The following C1QTNF7 variants were observed in gnomAD, a reference collection of about 807,000 sequenced individuals.
The protein encoded by C1QTNF7 is C1q and TNF related 7, also known as complement C1q tumor necrosis factor-related protein 7.
C1QTNF7 carries 15 observed loss-of-function variants against 19.6 expected under a neutral mutation model. The observed-to-expected ratio is 0.76, with a 90% confidence interval of 0.51 to 1.18. The LOEUF is 1.18. C1QTNF7 is among the 50% of genes most tolerant of loss of function. The pLI is 0.00. For synonymous variants in C1QTNF7, 142 were observed against 137.5 expected (o/e 1.03, Z -0.23); for missense variants, 324 against 359.7 (o/e 0.90, Z 0.80).
intron 1 of C1QTNF7, among the ~76,000 whole-genome samples, chr4:15,416,505 C>T (rs1719613249): frequency 6.6e-6 from 1 of 152,182 alleles, no homozygotes; most frequent in Non-Finnish European, 1.5e-5. Flanking sequence ...CTGACACGTG[C>T]ACAGTGCCTG....
At chr4:15,365,364 C>T (rs1199249898) in intron 1 of C1QTNF7, among the ~76,000 whole-genome samples, 1 of 152,040 alleles carries the variant, frequency 6.6e-6, no homozygotes, top group Non-Finnish European at 1.5e-5. Context: ...TATTTCTCAC[C>T]ACTAATTGTT....
intron 1 of C1QTNF7, among the ~76,000 whole-genome samples, chr4:15,420,356 T>C (rs941238352): frequency 6.6e-6 from 1 of 152,264 alleles, no homozygotes; most frequent in African/African-American, 2.4e-5. Context: ...AGAGTGTTTC[T>C]GATCACGTAG....
chr4:15,345,311 G>A (rs1229791112), intron 1 of C1QTNF7, among the ~76,000 whole-genome samples: 1 of 152,196 alleles, frequency 6.6e-6, no homozygotes, highest in Non-Finnish European at 1.5e-5. Context: ...CTGCTTTCAA[G>A]CCCTGCTTGG....
intron 1 of C1QTNF7, among the ~76,000 whole-genome samples, chr4:15,378,021 A>G (rs974453400): frequency 2.0e-5 from 3 of 152,232 alleles, no homozygotes; most frequent in African/African-American, 7.2e-5. Flanking sequence ...TGCACTTTAC[A>G]GGAGACAAAC....
At chr4:15,349,652 A>T (rs1716838579) in intron 1 of C1QTNF7, among the ~76,000 whole-genome samples, 1 of 152,130 alleles carries the variant, frequency 6.6e-6, no homozygotes, top group African/African-American at 2.4e-5. Flanking sequence ...TGACCCGTGT[A>T]TTCTCTCTTG....
chr4:15,423,816 A>ACCGTTT (rs1364746940), upstream of C1QTNF7, among the ~76,000 whole-genome samples: 6 of 152,180 alleles, frequency 3.9e-5, no homozygotes, highest in African/African-American at 1.4e-4. Context: ...GTTCATGCCT[A>ACCGTTT]CCGTTTCCCC....
intron 1 of C1QTNF7, among the ~76,000 whole-genome samples, chr4:15,376,191 T>A (rs190249381): frequency 6.6e-6 from 1 of 152,378 alleles, no homozygotes; most frequent in East Asian, 1.9e-4. Context: ...GCAGCCCAAG[T>A]GCACTTTTGT....
intron 1 of C1QTNF7, chr4:15,340,257 C>G: frequency 1.9e-6 from 3 of 1,544,606 alleles, no homozygotes; most frequent in East Asian, 2.4e-5. Flanking sequence ...TCCTATTCGG[C>G]CTTCATCAAA....
At chr4:15,345,602 G>A (rs1577225426) in intron 1 of C1QTNF7, among the ~76,000 whole-genome samples, 1 of 152,162 alleles carries the variant, frequency 6.6e-6, no homozygotes, top group East Asian at 1.9e-4. Context: ...AATACAGAAG[G>A]CTGGGCAACA....
At chr4:15,362,144 A>C (rs1717365955) in intron 1 of C1QTNF7, among the ~76,000 whole-genome samples, 1 of 152,188 alleles carries the variant, frequency 6.6e-6, no homozygotes, top group Non-Finnish European at 1.5e-5. Context: ...TGTTGCAAAA[A>C]TTAATGAGTT....
At chr4:15,384,297 C>T (rs1221774960) in intron 1 of C1QTNF7, among the ~76,000 whole-genome samples, 1 of 152,168 alleles carries the variant, frequency 6.6e-6, no homozygotes, top group East Asian at 1.9e-4. Flanking sequence ...CTTCTGTCCT[C>T]CTTGACAGAT....
At chr4:15,353,741 CAGAA>C (rs751612422) in intron 1 of C1QTNF7, among the ~76,000 whole-genome samples, 1 of 150,306 alleles carries the variant, frequency 6.7e-6, no homozygotes, top group Non-Finnish European at 1.5e-5. Flanking sequence ...CCATTTCACC[CAGAA>C]AGAAAGAGAG....
chr4:15,442,365 C>T lies in C1QTNF7; in HGVS notation c.436C>T (p.Leu146Phe), dbSNP rs773998639. ...AGTTTGCAGATGTGGAAGCATCGTG[C>T]TCAAATCCGCCTTTTCTGTTGGCAT... ...PGVCRCGSIV[L>F]KSAFSVGITT... The change falls in exon 3 of 3, where the codon CTC (leucine) becomes TTC (phenylalanine). Residue 146 changes from leucine to phenylalanine, a missense_variant. Coordinates refer to ENST00000444304, the MANE Select transcript of C1QTNF7 (RefSeq NM_031911.5). The T allele has an allele frequency of 3.7e-6, 6 of 1,614,142 alleles. No homozygotes were observed. The Admixed American group carries it at 1.0e-4, about 27-fold the overall frequency.
At chr4:15,416,647 C>T (rs1042700455) in intron 1 of C1QTNF7, among the ~76,000 whole-genome samples, 2 of 152,246 alleles carry the variant, frequency 1.3e-5, no homozygotes, top group Non-Finnish European at 2.9e-5. Flanking sequence ...TGTAGGGACT[C>T]AGTCCTTGAC....
chr4:15,416,666 G>T (rs1719618123), intron 1 of C1QTNF7, among the ~76,000 whole-genome samples: 1 of 152,202 alleles, frequency 6.6e-6, no homozygotes, highest in Non-Finnish European at 1.5e-5. Context: ...ACCCTGAAGT[G>T]CTCTGATGTC....
chr4:15,429,442 G>A (rs1440785561), intron 1 of C1QTNF7, among the ~76,000 whole-genome samples: 1 of 152,096 alleles, frequency 6.6e-6, no homozygotes, highest in Non-Finnish European at 1.5e-5. Flanking sequence ...CAGTCTTGAT[G>A]AATGTGACTA....
upstream of C1QTNF7, among the ~76,000 whole-genome samples, chr4:15,427,135 C>T (rs1481116895): frequency 6.6e-6 from 1 of 152,156 alleles, no homozygotes; most frequent in Non-Finnish European, 1.5e-5. Flanking sequence ...ACGGGGAGCC[C>T]AGCAATCTCG....
At chr4:15,424,987 T>C (rs1480426340), upstream of C1QTNF7, among the ~76,000 whole-genome samples, 1 of 152,142 alleles carries the variant, frequency 6.6e-6, no homozygotes, top group Non-Finnish European at 1.5e-5. Flanking sequence ...TTGTTTGCTC[T>C]CTACTGAATA....
At chr4:15,391,502 A>G (rs373451444) in intron 1 of C1QTNF7, among the ~76,000 whole-genome samples, 8 of 152,184 alleles carry the variant, frequency 5.3e-5, no homozygotes, top group African/African-American at 1.7e-4. Flanking sequence ...AGTGTTGGGT[A>G]AACAACAAAA....
Sources: gnomAD v4.1 joint callset for allele counts (sites outside exome capture counted in the v4.1 genomes callset) on GRCh38, gnomAD v4.1.1 for gene constraint, MANE v1.5 for transcripts, NCBI Gene and HGNC (gene_info 2026-07-23, HGNC 2026-07-21) for gene names.